The following STARD9 variants were observed in gnomAD, a reference collection of about 807,000 sequenced individuals.
STARD9 encodes the protein StAR related lipid transfer domain containing 9, also known as stAR-related lipid transfer protein 9.
A neutral mutation model predicts 399.8 loss-of-function variants in STARD9; 346 were observed. The ratio of observed to expected loss-of-function variants is 0.87; its 90% CI spans 0.79 to 0.95. The LOEUF is 0.95. Ranked by LOEUF, STARD9 falls within the 40% of genes least tolerant of loss-of-function variation. The probability of loss-of-function intolerance (pLI) is 0.00; values close to 1 mark genes in which losing one functional copy is unlikely to be tolerated. For synonymous variants in STARD9, 2,203 were observed against 2,143.5 expected (o/e 1.03, Z -0.77); for missense variants, 5,832 against 5,667.5 (o/e 1.03, Z -0.93).
chr15:42,678,599 AAGT>A, intron 20 of STARD9, among the ~76,000 whole-genome samples: 1 of 152,300 alleles, frequency 6.6e-6, no homozygotes, highest in Admixed American at 6.5e-5. Context: ...CGGCTTTAGT[AAGT>A]AGATGCCACT....
At chr15:42,699,634 C>G (rs756167406) in intron 26 of STARD9, among the ~76,000 whole-genome samples, 2 of 151,844 alleles carry the variant, frequency 1.3e-5, no homozygotes, top group Non-Finnish European at 2.9e-5. Flanking sequence ...ACCTCGTGAT[C>G]TGCCCGCCTT....
In STARD9 at chr15:42,689,703, A is replaced by AC. The variant is rs1380076510; in HGVS notation, c.8127dup (p.Arg2710GlnfsTer7). 6.5e-6 allele frequency: 10 copies of AC among 1,537,826 alleles called. No individual in the cohort carries two copies. The South Asian group carries it at 1.2e-4, about 18-fold the overall frequency. On this transcript the variant is annotated frameshift_variant, in exon 23 of 33. Transcript: ENST00000290607. LOFTEE classifies it high-confidence loss of function. Reference sequence around the variant, plus strand: ...AATCATAGAGAAAAAGAAAGATGCAACCAGAACACCTTCCTCAGCTGATCC... The same window carrying AC: ...AATCATAGAGAAAAAGAAAGATGCAACCCAGAACACCTTCCTCAGCTGATCC...
chr15:42,581,923 G>A (rs2058180664), intron 1 of STARD9, among the ~76,000 whole-genome samples: 1 of 152,152 alleles, frequency 6.6e-6, no homozygotes, highest in African/African-American at 2.4e-5. Context: ...GACTGAGGCA[G>A]GAGAATCGCA....
intron 20 of STARD9, among the ~76,000 whole-genome samples, chr15:42,678,130 CA>C (rs1206331037): frequency 2.0e-5 from 3 of 152,198 alleles, no homozygotes; most frequent in Non-Finnish European, 2.9e-5. Flanking sequence ...GCATCTGTAC[CA>C]ATCCCTGGTG....
At chr15:42,711,897 C>G (rs1419832544) in intron 26 of STARD9, among the ~76,000 whole-genome samples, 1 of 147,194 alleles carries the variant, frequency 6.8e-6, no homozygotes, top group East Asian at 2.0e-4. Flanking sequence ...CAGTGGCTGT[C>G]CTATTTTACC....
Position 42,688,676 on chromosome 15 carries a change from G to A in STARD9, c.7098G>A (p.Met2366Ile), listed in dbSNP as rs753599753. The change falls in exon 23 of 33, where the codon ATG becomes ATA. Residue 2366 changes from methionine (M) to isoleucine (I), a missense_variant. Around this residue, in one of 2 missense-constraint regions of STARD9, gnomAD observed 5,828 missense variants for 5,651.1 expected, o/e 1.03. Transcript: ENST00000290607. ...SSLDCVLDLTMLKIHNSPLVT... is the reference protein window; with the variant it reads ...SSLDCVLDLTILKIHNSPLVT... ...TTGACTGTGTGCTGGATCTCACAAT[G>A]TTGAAAATTCATAACAGTCCCTTGG... The A allele has an allele frequency of 2.6e-6, 4 of 1,537,530 alleles. No homozygotes were observed. Among genetic ancestry groups the A allele is most frequent in the Non-Finnish European group, 1.7e-6 (2 of 1,147,026 alleles).
intron 1 of STARD9, among the ~76,000 whole-genome samples, chr15:42,579,843 C>T (rs1170456780): frequency 6.6e-6 from 1 of 152,122 alleles, no homozygotes; most frequent in Admixed American, 6.6e-5. Context: ...ACTGGGTACT[C>T]AAATGGGTCA....
chr15:42,701,377 G>A (rs753847822), intron 26 of STARD9, among the ~76,000 whole-genome samples: 2 of 152,046 alleles, frequency 1.3e-5, no homozygotes, highest in African/African-American at 2.4e-5. Context: ...CATGAACATG[G>A]GATATATTTC....
intron 26 of STARD9, among the ~76,000 whole-genome samples, chr15:42,704,948 G>C (rs942798816): frequency 6.6e-6 from 1 of 152,226 alleles, no homozygotes; most frequent in Non-Finnish European, 1.5e-5. Flanking sequence ...CAAGGCCCAG[G>C]CTGCTACCAT....
At chr15:42,662,291 T>C (rs953573637) in intron 10 of STARD9, among the ~76,000 whole-genome samples, 1 of 152,220 alleles carries the variant, frequency 6.6e-6, no homozygotes, top group African/African-American at 2.4e-5. Context: ...GCAAATTTTC[T>C]TATTTTAAAA....
At chr15:42,588,070 G>A (rs889251896) in intron 3 of STARD9, among the ~76,000 whole-genome samples, 1 of 152,198 alleles carries the variant, frequency 6.6e-6, no homozygotes, top group Non-Finnish European at 1.5e-5. Flanking sequence ...GAAAGTATGA[G>A]CATTCTGATA....
chr15:42,668,412 C>T (rs1233957395), intron 15 of STARD9, among the ~76,000 whole-genome samples: 2 of 151,200 alleles, frequency 1.3e-5, no homozygotes, highest in African/African-American at 4.9e-5. Context: ...TCAGTTCTTC[C>T]ATTCCCAGGA....
chr15:42,685,798 G>A lies in STARD9; in HGVS notation c.4220G>A (p.Cys1407Tyr), dbSNP rs1221806949. 5.9e-6 allele frequency: 9 copies of A among 1,537,148 alleles called. No homozygotes were observed. Among genetic ancestry groups the A allele is most frequent in the Middle Eastern group, 1.7e-4 (1 of 6,014 alleles). The change falls in exon 23 of 33, where the codon TGC (cysteine) becomes TAC (tyrosine). Residue 1407 changes from cysteine (C) to tyrosine (Y), a missense_variant. By Grantham distance (194) the Cys-to-Tyr change is radical. Transcript: ENST00000290607. Reference protein sequence around the residue: ...KLHQGSTELLCSARDEHTASA... With the variant: ...KLHQGSTELLYSARDEHTASA... Reference sequence around the variant, plus strand: ...CACCAAGGCAGTACTGAGCTCCTCTGCAGTGCAAGAGATGAGCACACAGCC... The same window carrying A: ...CACCAAGGCAGTACTGAGCTCCTCTACAGTGCAAGAGATGAGCACACAGCC...
rs566000316 is a variant in STARD9, at chr15:42,575,689, C to G, written c.-27C>G. On this transcript the variant is annotated 5_prime_UTR_variant, in exon 1 of 33. Transcript: ENST00000290607. ...CCTGGGATGCTGCCGCTGAGCTGACCCGCTGGACTTGGGTTGTGGCAGACG... is the reference window on the plus strand; with the variant it reads ...CCTGGGATGCTGCCGCTGAGCTGACGCGCTGGACTTGGGTTGTGGCAGACG... 3 of 1,536,216 alleles carry G rather than the reference C, an allele frequency of 2.0e-6. No homozygotes were observed. In the East Asian group the frequency reaches 7.3e-5, roughly 38 times the overall value.
intron 26 of STARD9, among the ~76,000 whole-genome samples, chr15:42,702,376 G>A (rs1439291898): frequency 1.3e-5 from 2 of 152,024 alleles, no homozygotes; most frequent in East Asian, 3.9e-4. Context: ...GCTAATTTTT[G>A]TATTTTTAGT....
chr15:42,700,939 G>A (rs560484904), intron 26 of STARD9, among the ~76,000 whole-genome samples: 4 of 152,230 alleles, frequency 2.6e-5, no homozygotes, highest in African/African-American at 9.6e-5. Flanking sequence ...TTTGTATATG[G>A]TAAGAGATAG....
In STARD9 at chr15:42,691,886, A is replaced by G; in HGVS notation, c.10308A>G (p.Gly3436=). ...GTACTTTGGAACAAGCCCAACAGGG[A>G]AAGCGAGAGAAACTGGGTGTCCAGG... ...MSGTLEQAQQ[G]KREKLGVQVR... Residue 3436 remains glycine (G), a synonymous_variant, in exon 23 of 33, where the codon GGA becomes GGG. Transcript: ENST00000290607. The G allele has an allele frequency of 6.5e-7, 1 of 1,537,264 alleles. No individual in the cohort carries two copies.
intron 2 of STARD9, 66 bp from the exon 3 acceptor site, chr15:42,585,455 C>A: frequency 1.9e-6 from 2 of 1,039,612 alleles, no homozygotes; most frequent in Non-Finnish European, 2.9e-6. Context: ...AGAGGGTGAT[C>A]AAGTGCCACT....
chr15:42,669,151 T>G lies in STARD9; in HGVS notation c.1318-7T>G. ...AGTGTCTCAGATCACCTCCTATACC[T>G]CTGCAGATAGACCAGCTGACTAAAG... On this transcript the variant is annotated splice_region_variant and splice_polypyrimidine_tract_variant and intron_variant, in intron 15 of 32. Coordinates refer to ENST00000290607, the MANE Select transcript of STARD9 (RefSeq NM_020759.3). The G allele has an allele frequency of 6.5e-7, 1 of 1,529,120 alleles. No individual in the cohort carries two copies. The highest frequency in any genetic ancestry group is 8.8e-7 in the Non-Finnish European group (1 of 1,140,174). 94.7% of individuals were successfully genotyped at this position (1,529,120 alleles called of 1,614,324 possible). A position where few individuals can be genotyped will look rare whatever the true frequency, so the allele number is the denominator to read the frequency against.
Sources: gnomAD v4.1 joint callset for allele counts (sites outside exome capture counted in the v4.1 genomes callset) on GRCh38, gnomAD v4.1.1 for gene constraint, gnomAD v4.1.1 regional missense constraint, MANE v1.5 for transcripts, NCBI Gene and HGNC (gene_info 2026-07-23, HGNC 2026-07-21) for gene names.